The following TMTC4 variants were observed in gnomAD, a reference collection of about 807,000 sequenced individuals.
TMTC4 encodes transmembrane O-mannosyltransferase targeting cadherins 4, also known as protein O-mannosyl-transferase TMTC4.
Under a neutral mutation model 86.0 loss-of-function variants are expected in TMTC4, and 65 were observed. That is an observed-to-expected ratio of 0.76 (90% CI 0.62 to 0.93). The LOEUF is 0.93. TMTC4 is among the 40% of genes least tolerant of loss of function. TMTC4 has a pLI of 0.00. For synonymous variants in TMTC4, 379 were observed against 382.5 expected (o/e 0.99, Z 0.11); for missense variants, 866 against 948.1 (o/e 0.91, Z 1.14).
At chr13:100,656,265 T>A (rs1022482662) in intron 6 of TMTC4, 116 bp downstream of exon 6, 9 of 799,112 alleles carry the variant, frequency 1.1e-5, no homozygotes, top group Non-Finnish European at 1.8e-5. Flanking sequence ...CTGGCCCAGA[T>A]CCCCTCAGAG....
chr13:100,674,787 G>T lies in TMTC4; in HGVS notation c.-251C>A. 3 of 983,770 alleles carry T rather than the reference G, an allele frequency of 3.0e-6. No individual in the cohort carries two copies. The highest frequency in any genetic ancestry group is 3.6e-6 in the Non-Finnish European group (3 of 829,248). The allele number at this position is 983,770 out of a possible 1,614,324, so 60.9% of individuals were successfully genotyped here. On this transcript the variant is annotated 5_prime_UTR_variant, in exon 1 of 19. Coordinates refer to ENST00000342624, the MANE Select transcript of TMTC4 (RefSeq NM_032813.5). Reference sequence around the variant, plus strand: ...CCGGCCGCATCTCCCTCCCGGGTGCGGAAACTCTGGCGGCTCCAGGCACCC... The same window carrying T: ...CCGGCCGCATCTCCCTCCCGGGTGCTGAAACTCTGGCGGCTCCAGGCACCC...
chr13:100,619,590 T>C (rs1484869068), intron 15 of TMTC4, among the ~76,000 whole-genome samples: 1 of 152,176 alleles, frequency 6.6e-6, no homozygotes, highest in Non-Finnish European at 1.5e-5. Context: ...AGCAAATAGA[T>C]AGCATATTAT....
chr13:100,633,155 T>C (rs1468057372), intron 12 of TMTC4, among the ~76,000 whole-genome samples: 1 of 151,620 alleles, frequency 6.6e-6, no homozygotes. Flanking sequence ...CTACTAAAAA[T>C]ACAAAAATTA....
chr13:100,646,548 C>T (rs949074378), intron 6 of TMTC4, among the ~76,000 whole-genome samples: 2 of 152,202 alleles, frequency 1.3e-5, no homozygotes, highest in African/African-American at 4.8e-5. Context: ...CAGCCCGTTT[C>T]ATTAAACTCT....
At chr13:100,649,237 C>T (rs906862412) in intron 6 of TMTC4, among the ~76,000 whole-genome samples, 1 of 152,198 alleles carries the variant, frequency 6.6e-6, no homozygotes, top group Non-Finnish European at 1.5e-5. Flanking sequence ...AAGTGAAAAA[C>T]TAGCTCTGAG....
chr13:100,658,369 C>T (rs901388970), intron 5 of TMTC4, among the ~76,000 whole-genome samples: 7 of 152,086 alleles, frequency 4.6e-5, no homozygotes, highest in African/African-American at 1.4e-4. Context: ...CTTTGTGGTC[C>T]TCACGCCAGG....
intron 12 of TMTC4, among the ~76,000 whole-genome samples, chr13:100,628,176 T>G (rs1456350563): frequency 6.6e-6 from 1 of 152,108 alleles, no homozygotes; most frequent in Non-Finnish European, 1.5e-5. Context: ...GTTCTTTCAT[T>G]TTGCAAATCT....
chr13:100,611,481 A>G (rs2153022776), intron 17 of TMTC4, among the ~76,000 whole-genome samples: 1 of 152,294 alleles, frequency 6.6e-6, no homozygotes, highest in South Asian at 2.1e-4. Context: ...GCCACTCGGG[A>G]GGCTGAGGCA....
At chr13:100,629,600 A>G (rs983880290) in intron 12 of TMTC4, among the ~76,000 whole-genome samples, 2 of 152,166 alleles carry the variant, frequency 1.3e-5, no homozygotes, top group African/African-American at 2.4e-5. Flanking sequence ...TGCTCGAGGC[A>G]CTTTCTAGAT....
At chr13:100,626,230 A>C (rs1174888497) in intron 12 of TMTC4, 80 bp from the exon 13 acceptor site, 1 of 1,433,104 alleles carries the variant, frequency 7.0e-7, no homozygotes, top group African/African-American at 1.4e-5. Context: ...TTCTAACTGA[A>C]GACAAAAGGT....
intron 6 of TMTC4, among the ~76,000 whole-genome samples, chr13:100,648,541 G>A (rs1884035470): frequency 6.6e-6 from 1 of 152,190 alleles, no homozygotes; most frequent in African/African-American, 2.4e-5. Flanking sequence ...CAAAGACCCA[G>A]CTCACAGATG....
At chr13:100,627,033 A>C (rs1291292549) in intron 12 of TMTC4, among the ~76,000 whole-genome samples, 1 of 152,142 alleles carries the variant, frequency 6.6e-6, no homozygotes, top group Non-Finnish European at 1.5e-5. Context: ...CCGTCTGTGA[A>C]CCAGGAGGCA....
chr13:100,668,852 A>T, intron 2 of TMTC4, 58 bp from the exon 3 acceptor site: 1 of 1,535,966 alleles, frequency 6.5e-7, no homozygotes, highest in Non-Finnish European at 9.0e-7. Context: ...CCGTTTCTGC[A>T]GTGGGCACCG....
chr13:100,614,670 G>A (rs1364663545), intron 15 of TMTC4, among the ~76,000 whole-genome samples: 1 of 152,084 alleles, frequency 6.6e-6, no homozygotes, highest in African/African-American at 2.4e-5. Context: ...ACTAAGGCAC[G>A]AGGAAATGAA....
At chr13:100,626,234 A>G in intron 12 of TMTC4, 84 bp from the exon 13 acceptor site, 1 of 1,416,218 alleles carries the variant, frequency 7.1e-7, no homozygotes, top group South Asian at 1.2e-5. Flanking sequence ...AACTGAAGAC[A>G]AAAGGTAAAG....
rs1291225227 is a variant in TMTC4, at chr13:100,668,862, G to GT, written c.4-69dup. On this transcript the variant is annotated intron_variant, in intron 2 of 18. Coordinates refer to ENST00000342624, the MANE Select transcript of TMTC4 (RefSeq NM_032813.5). ...TAGGACCGTTTCTGCAGTGGGCACC[G>GT]TGAGTAAGAGCTAGATAGTCATTTA... 9 of 1,435,550 alleles carry GT rather than the reference G, an allele frequency of 6.3e-6. No homozygotes were observed. The East Asian group carries it at 1.6e-4, about 26-fold the overall frequency. The allele number at this position is 1,435,550 out of a possible 1,614,324, so 88.9% of individuals were successfully genotyped here. A position where few individuals can be genotyped will look rare whatever the true frequency, so the allele number is the denominator to read the frequency against.
chr13:100,623,262 T>C (rs1419351805), intron 15 of TMTC4, among the ~76,000 whole-genome samples: 1 of 152,246 alleles, frequency 6.6e-6, no homozygotes, highest in East Asian at 1.9e-4. Context: ...AGGCAGAATC[T>C]CACTCTGTTG....
intron 1 of TMTC4, among the ~76,000 whole-genome samples, chr13:100,672,523 C>T (rs1421579393): frequency 6.6e-6 from 1 of 152,198 alleles, no homozygotes; most frequent in Non-Finnish European, 1.5e-5. Flanking sequence ...CAGGGTTTCA[C>T]TCTGCCACCC....
chr13:100,634,895 G>A lies in TMTC4; in HGVS notation c.1416C>T (p.Asn472=), dbSNP rs573002815. The part of the protein sequence containing the change: ...AAVVLGILFI[N]TLRCVLRSGE... ...CGCTGCGCAGCACACATCTCAGCGT[G>A]TTGATGAATAAGATTCCCAGCACGA... Residue 472 remains asparagine (N), a synonymous_variant, in exon 12 of 19, where the codon AAC becomes AAT. Coordinates refer to ENST00000342624, the MANE Select transcript of TMTC4 (RefSeq NM_032813.5). 1 of 1,614,206 alleles carries A rather than the reference G, an allele frequency of 6.2e-7. No individual in the cohort carries two copies. The highest frequency in any genetic ancestry group is 1.1e-5 in the South Asian group (1 of 91,084).
Sources: gnomAD v4.1 joint callset for allele counts (sites outside exome capture counted in the v4.1 genomes callset) on GRCh38, gnomAD v4.1.1 for gene constraint, MANE v1.5 for transcripts, NCBI Gene and HGNC (gene_info 2026-07-23, HGNC 2026-07-21) for gene names.